The following FGF12 variants were observed in gnomAD, a reference collection of about 807,000 sequenced individuals.
FGF12 encodes fibroblast growth factor 12B.
Under a neutral mutation model 23.6 loss-of-function variants are expected in FGF12, and 14 were observed. That is an observed-to-expected ratio of 0.59 (90% CI 0.39 to 0.93). The LOEUF is 0.93. FGF12 is among the 40% of genes least tolerant of loss of function. FGF12 has a pLI of 0.00. For synonymous variants in FGF12, 62 were observed against 77.3 expected (o/e 0.80, Z 1.04); for missense variants, 175 against 217.8 (o/e 0.80, Z 1.24).
intron 2 of FGF12, among the ~76,000 whole-genome samples, chr3:192,640,090 G>A (rs1715734155): frequency 6.6e-6 from 1 of 152,090 alleles, no homozygotes; most frequent in African/African-American, 2.4e-5. Flanking sequence ...GGAAGGAAAT[G>A]GGGGATGTAG....
At chr3:192,219,574 T>C (rs1406744960) in intron 4 of FGF12, among the ~76,000 whole-genome samples, 1 of 150,392 alleles carries the variant, frequency 6.6e-6, no homozygotes, top group African/African-American at 2.4e-5. Context: ...CATGCTACAG[T>C]GAGCTGGGCT....
At chr3:192,620,353 TAC>T (rs1408495981) in intron 2 of FGF12, among the ~76,000 whole-genome samples, 1 of 152,140 alleles carries the variant, frequency 6.6e-6, no homozygotes, top group Non-Finnish European at 1.5e-5. Flanking sequence ...AAGCACTCCT[TAC>T]AGTAATCGGA....
chr3:192,230,070 G>C (rs1718944890), intron 4 of FGF12, among the ~76,000 whole-genome samples: 1 of 152,030 alleles, frequency 6.6e-6, no homozygotes. Context: ...ACATTCCTAG[G>C]AAGTGAACTG....
intron 4 of FGF12, among the ~76,000 whole-genome samples, chr3:192,277,559 T>G (rs1713868721): frequency 6.6e-6 from 1 of 152,180 alleles, no homozygotes; most frequent in Non-Finnish European, 1.5e-5. Context: ...GGCAAATCTC[T>G]TACTATTTTT....
chr3:192,234,072 G>A lies in FGF12; in HGVS notation c.229-63416C>T, dbSNP rs1719157939. Among the ~76,000 whole-genome samples, 3 of 152,184 alleles carry A rather than the reference G, an allele frequency of 2.0e-5. No individual in the cohort carries two copies. In the South Asian group the frequency reaches 6.2e-4, roughly 32 times the overall value. On this transcript the variant is annotated intron_variant, in intron 4 of 5. Transcript: ENST00000445105. ...CTTTTTTAGGTTCATATGAATTTTA[G>A]AATTTTTTTTCTAATGCTGTGAAAA...
Position 192,631,651 on chromosome 3 carries a change from T to A in FGF12, c.13+95530A>T, listed in dbSNP as rs541964245. ...CCACTTCACACACTGTGATTTAACTTCCTCTCTCCATTACTAGACATGACA... is the reference window on the plus strand; with the variant it reads ...CCACTTCACACACTGTGATTTAACTACCTCTCTCCATTACTAGACATGACA... On this transcript the variant is annotated intron_variant, in intron 2 of 5. Coordinates refer to ENST00000445105, the MANE Select transcript of FGF12 (RefSeq NM_004113.6). Among the ~76,000 whole-genome samples the A allele has an allele frequency of 6.6e-5, 10 of 152,298 alleles. No individual in the cohort carries two copies. The South Asian group carries it at 2.1e-3, about 32-fold the overall frequency.
intron 2 of FGF12, among the ~76,000 whole-genome samples, chr3:192,688,102 T>A (rs1022650312): frequency 3.3e-5 from 5 of 151,810 alleles, no homozygotes; most frequent in South Asian, 2.1e-4. Flanking sequence ...ATGGTCCCCA[T>A]CACTTTCTGC....
At chr3:192,486,170 T>TC (rs1363467540) in intron 2 of FGF12, among the ~76,000 whole-genome samples, 1 of 152,138 alleles carries the variant, frequency 6.6e-6, no homozygotes, top group Non-Finnish European at 1.5e-5. Flanking sequence ...CAGTGATCCA[T>TC]CCATTCATAT....
intron 2 of FGF12, among the ~76,000 whole-genome samples, chr3:192,398,337 TAC>T (rs1186798138): frequency 6.6e-6 from 1 of 151,852 alleles, no homozygotes; most frequent in Non-Finnish European, 1.5e-5. Context: ...TGAGGGGAGC[TAC>T]AGTTAATAGC....
chr3:192,343,762 TTA>T (rs1387729808), intron 3 of FGF12, among the ~76,000 whole-genome samples: 1 of 152,140 alleles, frequency 6.6e-6, no homozygotes, highest in Admixed American at 6.5e-5. Flanking sequence ...TTATTAATAT[TTA>T]TATGTTTGTC....
intron 2 of FGF12, among the ~76,000 whole-genome samples, chr3:192,676,859 AG>A (rs1376633481): frequency 2.0e-5 from 3 of 152,216 alleles, no homozygotes; most frequent in African/African-American, 7.2e-5. Context: ...AATATTTCTA[AG>A]AAGGATCCAT....
intron 2 of FGF12, among the ~76,000 whole-genome samples, chr3:192,453,165 T>G (rs565624463): frequency 6.6e-6 from 1 of 152,304 alleles, no homozygotes; most frequent in South Asian, 2.1e-4. Context: ...TTCATATATG[T>G]CTCCCTTTTC....
intron 4 of FGF12, among the ~76,000 whole-genome samples, chr3:192,317,645 G>C (rs948180358): frequency 6.6e-6 from 1 of 152,168 alleles, no homozygotes; most frequent in Non-Finnish European, 1.5e-5. Flanking sequence ...AACCTACATG[G>C]GGGAAAAGGG....
At chr3:192,398,971 A>G (rs766169182) in intron 2 of FGF12, among the ~76,000 whole-genome samples, 2 of 152,200 alleles carry the variant, frequency 1.3e-5, no homozygotes, top group Non-Finnish European at 2.9e-5. Flanking sequence ...TGACACAGGC[A>G]GTATACTAAG....
intron 4 of FGF12, among the ~76,000 whole-genome samples, chr3:192,195,269 A>G (rs1246039985): frequency 6.6e-6 from 1 of 152,230 alleles, no homozygotes; most frequent in Non-Finnish European, 1.5e-5. Context: ...GATCAAAGAG[A>G]AAAGTCAGAG....
At chr3:192,375,786 T>C (rs1460516838) in intron 2 of FGF12, among the ~76,000 whole-genome samples, 1 of 152,140 alleles carries the variant, frequency 6.6e-6, no homozygotes, top group African/African-American at 2.4e-5. Flanking sequence ...TTTCTTATTG[T>C]AATTAACTGG....
chr3:192,603,511 A>C (rs1253048596), intron 2 of FGF12, among the ~76,000 whole-genome samples: 1 of 152,078 alleles, frequency 6.6e-6, no homozygotes, highest in Non-Finnish European at 1.5e-5. Context: ...CATAGATTCT[A>C]TTTTCCATAA....
chr3:192,236,291 C>G (rs1458822958), intron 4 of FGF12, among the ~76,000 whole-genome samples: 1 of 152,070 alleles, frequency 6.6e-6, no homozygotes, highest in Non-Finnish European at 1.5e-5. Context: ...TGTGGCCAGT[C>G]TAAGTGTAAG....
intron 2 of FGF12, among the ~76,000 whole-genome samples, chr3:192,459,533 T>C (rs919673615): frequency 2.0e-5 from 3 of 152,232 alleles, no homozygotes; most frequent in Non-Finnish European, 2.9e-5. Flanking sequence ...ATTGCTTCCA[T>C]GTCTATGGCT....
Sources: allele counts gnomAD v4.1 joint callset (sites outside exome capture counted in the v4.1 genomes callset), GRCh38; gene constraint gnomAD v4.1.1; transcripts MANE v1.5; gene names NCBI Gene and HGNC (gene_info 2026-07-23, HGNC 2026-07-21).